Variants in TSC22D2 observed in about 807,000 individuals in gnomAD.
TSC22D2 encodes TSC22 domain family protein 2.
In TSC22D2, 5 loss-of-function variants were observed where a neutral mutation model predicts 50.1. The observed-to-expected ratio is 0.10, with a 90% CI of 0.05 to 0.21. The LOEUF (loss-of-function observed/expected upper bound fraction) is 0.21. TSC22D2 is among the 10% of genes least tolerant of loss of function. The probability of loss-of-function intolerance (pLI) is 1.00; values close to 1 mark genes in which losing one functional copy is unlikely to be tolerated. For synonymous variants in TSC22D2, 501 were observed against 450.1 expected, an observed-to-expected ratio of 1.11 and a Z score of -1.43; for missense variants, 1,003 against 1,015.5, an observed-to-expected ratio of 0.99 and a Z score of 0.17.
intron 1 of TSC22D2, among the ~76,000 whole-genome samples, chr3:150,444,708 A>G (rs1720823823): frequency 6.6e-6 from 1 of 152,248 alleles, no homozygotes; most frequent in African/African-American, 2.4e-5. Context: ...TTATTACCTA[A>G]AAGAATTCAA....
At chr3:150,420,492 G>A (rs1028679019) in intron 1 of TSC22D2, among the ~76,000 whole-genome samples, 5 of 152,206 alleles carry the variant, frequency 3.3e-5, no homozygotes, top group Admixed American at 2.0e-4. Context: ...TGTAGAAAGA[G>A]TGATTGTTAA....
intron 1 of TSC22D2, among the ~76,000 whole-genome samples, chr3:150,413,434 G>A (rs1292576367): frequency 6.6e-6 from 1 of 151,788 alleles, no homozygotes; most frequent in Non-Finnish European, 1.5e-5. Context: ...GTCTTTCATT[G>A]GTTTTTAACT....
At chr3:150,457,518 G>A (rs1172869497) in intron 2 of TSC22D2, among the ~76,000 whole-genome samples, 1 of 152,206 alleles carries the variant, frequency 6.6e-6, no homozygotes, top group Admixed American at 6.5e-5. Flanking sequence ...AAGTAGGCCA[G>A]GCACAGTGGA....
intron 1 of TSC22D2, among the ~76,000 whole-genome samples, chr3:150,411,554 A>G (rs1320543915): frequency 6.6e-6 from 1 of 152,226 alleles, no homozygotes; most frequent in Non-Finnish European, 1.5e-5. Context: ...TACTCAAAAA[A>G]AGGTGAATTT....
In TSC22D2 at chr3:150,409,759, C is replaced by T. The variant is rs144183125; in HGVS notation, c.409C>T (p.Pro137Ser). 2.8e-3 allele frequency: 4,522 copies of T among 1,601,926 alleles called. 9 individuals carry two copies. The highest frequency in any genetic ancestry group is 3.4e-3 in the Non-Finnish European group (4,052 of 1,178,746). The change falls in exon 1 of 3, where the codon CCC (proline) becomes TCC (serine). Residue 137 changes from proline to serine, a missense_variant. Coordinates refer to ENST00000688009, the MANE Select transcript of TSC22D2 (RefSeq NM_001303264.2). The surrounding 1 kb of genome is among the most constrained non-coding windows in gnomAD (Gnocchi z 7.4). ...CCCCGCCCCCGGAGCACCCGGCGGC[C>T]CCCAGCTCGCGGGCTCATCCGCCGG... ...SAPAPGAPGG[P>S]QLAGSSAGPV...
chr3:150,419,013 C>T (rs1479467749), intron 1 of TSC22D2, among the ~76,000 whole-genome samples: 5 of 151,928 alleles, frequency 3.3e-5, no homozygotes, highest in Non-Finnish European at 7.4e-5. Context: ...TTGATAATGT[C>T]AGAACATTTG....
In TSC22D2 at chr3:150,411,159, A is replaced by G. The variant is rs776109597; in HGVS notation, c.1809A>G (p.Gln603=). The G allele has an allele frequency of 1.2e-6, 2 of 1,614,002 alleles. No individual in the cohort carries two copies. The highest frequency in any genetic ancestry group is 8.5e-7 in the Non-Finnish European group (1 of 1,180,010). The change falls in exon 1 of 3, where the codon CAA becomes CAG. Residue 603 remains glutamine (Q), a synonymous_variant. Transcript: ENST00000688009. ...GAAGAAAATCAGAACCCCTACCTCA[A>G]CCACCACTTTCTCTCATTGCTGAAA... ...DTRRKSEPLP[Q]PPLSLIAENK... is the part of the protein sequence containing the mutation.
chr3:150,435,813 CACCTTCTCACAAAAGGAAATGATA>C (rs1426977515), intron 1 of TSC22D2, among the ~76,000 whole-genome samples: 53 of 152,062 alleles, frequency 3.5e-4, no homozygotes, highest in African/African-American at 1.3e-3. Context: ...AATATAGTTT[CACCTTCTCACAAAAGGAAATGATA>C]AATAACTGTA....
In TSC22D2 at chr3:150,465,498, C is replaced by T. The variant is rs996133373; in HGVS notation, c.*6862C>T. 2 of 152,138 alleles carry T rather than the reference C, an allele frequency of 1.3e-5. No homozygotes were observed. The highest frequency in any genetic ancestry group is 2.9e-5 in the Non-Finnish European group (2 of 68,004). The allele number at this position is 152,138 out of a possible 1,614,324, so 9.4% of individuals were successfully genotyped here. On this transcript the variant is annotated 3_prime_UTR_variant, in exon 3 of 3. Transcript: ENST00000688009. ...CTCTTTTAAAGACAATTGTGTATCACCCATTAAATTTTAAAAGTCACATAC... is the reference window on the plus strand; with the variant it reads ...CTCTTTTAAAGACAATTGTGTATCATCCATTAAATTTTAAAAGTCACATAC...
intron 1 of TSC22D2, among the ~76,000 whole-genome samples, chr3:150,442,744 G>A (rs1433948243): frequency 6.6e-6 from 1 of 152,126 alleles, no homozygotes; most frequent in Non-Finnish European, 1.5e-5. Context: ...CAGGAGGATT[G>A]CTTCAGGCCA....
chr3:150,449,124 A>T (rs1274557258), intron 1 of TSC22D2, among the ~76,000 whole-genome samples: 3 of 152,132 alleles, frequency 2.0e-5, no homozygotes, highest in Non-Finnish European at 4.4e-5. Flanking sequence ...AATATCACTT[A>T]TGTTGATCAT....
At chr3:150,447,602 C>T (rs1720926657) in intron 1 of TSC22D2, among the ~76,000 whole-genome samples, 2 of 151,918 alleles carry the variant, frequency 1.3e-5, no homozygotes, top group Non-Finnish European at 2.9e-5. Context: ...CCCACTTCAT[C>T]CCCCCACCAA....
chr3:150,422,008 A>G (rs112486251), intron 1 of TSC22D2, among the ~76,000 whole-genome samples: 2,811 of 152,318 alleles, frequency 0.018, 40 homozygotes, highest in Middle Eastern at 0.038. Flanking sequence ...AGTTACTTCT[A>G]TCTGACCCAG....
At chr3:150,428,743 A>AG (rs1720280669) in intron 1 of TSC22D2, among the ~76,000 whole-genome samples, 1 of 152,140 alleles carries the variant, frequency 6.6e-6, no homozygotes, top group Non-Finnish European at 1.5e-5. Context: ...TTTCTACAGA[A>AG]CAGTTGTTCT....
chr3:150,453,143 T>C (rs957802988), intron 1 of TSC22D2, among the ~76,000 whole-genome samples: 8 of 152,206 alleles, frequency 5.3e-5, no homozygotes, highest in African/African-American at 1.7e-4. Context: ...ATATATACTT[T>C]GTGCTGGAAG....
At chr3:150,429,595 G>C (rs1008232289) in intron 1 of TSC22D2, among the ~76,000 whole-genome samples, 1 of 152,152 alleles carries the variant, frequency 6.6e-6, no homozygotes, top group Non-Finnish European at 1.5e-5. Context: ...CTGGAAATAA[G>C]AATAGTGTGT....
chr3:150,426,224 C>A (rs1244799750), intron 1 of TSC22D2, among the ~76,000 whole-genome samples: 1 of 152,218 alleles, frequency 6.6e-6, no homozygotes, highest in Non-Finnish European at 1.5e-5. Context: ...CTATAACTTA[C>A]ATAGTTAGCT....
intron 1 of TSC22D2, among the ~76,000 whole-genome samples, chr3:150,414,489 T>G (rs1334624844): frequency 6.6e-6 from 1 of 152,204 alleles, no homozygotes; most frequent in African/African-American, 2.4e-5. Context: ...CCAGGAACTC[T>G]TATGAATGGC....
At chr3:150,420,558 A>G (rs546225413) in intron 1 of TSC22D2, among the ~76,000 whole-genome samples, 2 of 152,318 alleles carry the variant, frequency 1.3e-5, no homozygotes, top group African/African-American at 4.8e-5. Context: ...CTTTAGGTCC[A>G]TTTATACAGT....
Sources: allele counts gnomAD v4.1 joint callset (sites outside exome capture counted in the v4.1 genomes callset), GRCh38; gene constraint gnomAD v4.1.1; non-coding constraint Gnocchi (gnomAD v3.1); transcripts MANE v1.5; gene names NCBI Gene and HGNC (gene_info 2026-07-23, HGNC 2026-07-21).